The following NOL8 variants were observed in gnomAD, a reference collection of about 807,000 sequenced individuals.
NOL8 encodes the protein nucleolar protein Nop132.
A neutral mutation model predicts 116.1 loss-of-function variants in NOL8; 93 were observed. The ratio of observed to expected loss-of-function variants is 0.80; its 90% CI spans 0.68 to 0.95. NOL8 has a LOEUF of 0.95. Among genes scored for constraint, NOL8 ranks in the 40% least tolerant of loss-of-function variants. The pLI is 0.00. For missense variants in NOL8, 1,291 were observed against 1,382.8 expected (o/e 0.93, Z 1.05); for synonymous variants, 419 against 469.0 (o/e 0.89, Z 1.38).
chr9:92,321,149 A>C (rs74648823), intron 4 of NOL8, among the ~76,000 whole-genome samples: 66 of 152,338 alleles, frequency 4.3e-4, no homozygotes, highest in African/African-American at 1.5e-3. Context: ...GTAGTCTACT[A>C]AAATTTAAAT....
rs779403688 is a variant in NOL8 at position 92,321,651 on chromosome 9, T to C, written c.281+17A>G. On this transcript the variant is annotated intron_variant, in intron 4 of 16. Coordinates refer to ENST00000442668, the MANE Select transcript of NOL8 (RefSeq NM_017948.6). Reference sequence around the variant, plus strand: ...ATAAAAAAAATAGGGCTTAAATCCATGTGGAGCAAAACTTACCTGTGCAGA... The same window carrying C: ...ATAAAAAAAATAGGGCTTAAATCCACGTGGAGCAAAACTTACCTGTGCAGA... 9.5e-6 allele frequency: 14 copies of C among 1,472,086 alleles called. No homozygotes were observed. In the South Asian group the frequency reaches 1.7e-4, roughly 18 times the overall value. The allele number at this position is 1,472,086 out of a possible 1,614,324, so 91.2% of individuals were successfully genotyped here.
At chr9:92,307,067 G>T (rs764961253) in intron 10 of NOL8, 43 bp from the exon 11 acceptor site, 2 of 1,569,576 alleles carry the variant, frequency 1.3e-6, no homozygotes, top group African/African-American at 2.7e-5. Flanking sequence ...GGAAAACACA[G>T]CCTGAGAAGT....
chr9:92,309,898 ACTT>A (rs1169878561), intron 10 of NOL8, among the ~76,000 whole-genome samples: 7 of 152,226 alleles, frequency 4.6e-5, no homozygotes, highest in African/African-American at 9.6e-5. Flanking sequence ...AGGAAACTCA[ACTT>A]CTTCTCATGC....
chr9:92,324,608 C>T (rs1309001539), intron 1 of NOL8: 1 of 152,832 alleles, frequency 6.5e-6, no homozygotes, highest in African/African-American at 2.4e-5. Context: ...AGCTAGCCTA[C>T]CTCTTCCTAA....
chr9:92,324,658 T>G (rs1325024094), intron 1 of NOL8: 2 of 152,136 alleles, frequency 1.3e-5, no homozygotes, highest in East Asian at 1.9e-4. Context: ...GCCTTCTTCC[T>G]CCTAGAAGAC....
intron 7 of NOL8, 71 bp from the exon 8 acceptor site, chr9:92,311,330 A>G (rs1838771328): frequency 1.8e-6 from 2 of 1,094,416 alleles, no homozygotes; most frequent in Non-Finnish European, 2.7e-6. Flanking sequence ...AATTGCAACA[A>G]AATCCAAAAT....
intron 3 of NOL8, among the ~76,000 whole-genome samples, chr9:92,322,135 A>G (rs547776498): frequency 6.6e-6 from 1 of 152,322 alleles, no homozygotes; most frequent in Admixed American, 6.5e-5. Flanking sequence ...TAAAACAATC[A>G]TCTTTTCAGG....
chr9:92,309,251 A>G (rs1056484136), intron 10 of NOL8, among the ~76,000 whole-genome samples: 1 of 152,226 alleles, frequency 6.6e-6, no homozygotes, highest in African/African-American at 2.4e-5. Context: ...TTCAGTAAAA[A>G]GCCAACTGCT....
chr9:92,303,237 C>T (rs535224905), intron 12 of NOL8, among the ~76,000 whole-genome samples: 1 of 152,212 alleles, frequency 6.6e-6, no homozygotes, highest in East Asian at 1.9e-4. Flanking sequence ...AAGATCAACT[C>T]TATGACAGCC....
chr9:92,309,634 T>A lies in NOL8; in HGVS notation c.2686+537A>T, dbSNP rs190550437. ...AGGTCCTGTAGAAAAAGATTGGAAGTACTGCTGTGAAAAATGCTATAGTAA... is the reference window on the plus strand; with the variant it reads ...AGGTCCTGTAGAAAAAGATTGGAAGAACTGCTGTGAAAAATGCTATAGTAA... On this transcript the variant is annotated intron_variant, in intron 10 of 16. Transcript: ENST00000442668. Among the ~76,000 whole-genome samples the A allele has an allele frequency of 6.0e-3, 915 of 152,230 alleles. 10 individuals are homozygous for A. Among genetic ancestry groups the A allele is most frequent in the Non-Finnish European group, 0.011 (763 of 68,008 alleles).
chr9:92,317,439 T>A (rs1331614905), intron 6 of NOL8, among the ~76,000 whole-genome samples: 12 of 152,206 alleles, frequency 7.9e-5, no homozygotes. Flanking sequence ...AGTACTTTCC[T>A]GACTTTGAGC....
chr9:92,304,055 C>T (rs1838002080), intron 12 of NOL8, among the ~76,000 whole-genome samples: 2 of 152,088 alleles, frequency 1.3e-5, no homozygotes, highest in African/African-American at 4.8e-5. Flanking sequence ...CTGGTAGGTA[C>T]AGGAACATTT....
Position 92,314,449 on chromosome 9 carries a change from C to A in NOL8, c.2176G>T (p.Val726Phe), listed in dbSNP as rs1287515523. The A allele has an allele frequency of 1.2e-6, 2 of 1,612,672 alleles. No homozygotes were observed. Among genetic ancestry groups the A allele is most frequent in the Admixed American group, 1.7e-5 (1 of 59,940 alleles). ...ATTTCCCGAGTGTCCTTGGATGAGACCTTTGGTGATTTCTTGAGAGATGTG... is the reference window on the plus strand; with the variant it reads ...ATTTCCCGAGTGTCCTTGGATGAGAACTTTGGTGATTTCTTGAGAGATGTG... ...GLTSLKKSPKVSSKDTREIKT... is the reference protein window; with the variant it reads ...GLTSLKKSPKFSSKDTREIKT... Residue 726 changes from valine (V) to phenylalanine (F), a missense_variant, in exon 7 of 17, where the codon GTC becomes TTC. Val to Phe is a conservative substitution (Grantham distance 50). Transcript: ENST00000442668.
rs921122 is a variant in NOL8 at position 92,301,665 on chromosome 9, C to T, written c.3061G>A (p.Gly1021Ser). Residue 1021 changes from glycine to serine, a missense_variant, in exon 13 of 17, where the codon GGT becomes AGT. Gly to Ser is a moderately conservative substitution (Grantham distance 56, BLOSUM62 0). Transcript: ENST00000442668. ...TGGATTTCCTCAGGTTTCTCTTTACCACAGTCCTCATTCCAGGGTGTGCCC... is the reference window on the plus strand; with the variant it reads ...TGGATTTCCTCAGGTTTCTCTTTACTACAGTCCTCATTCCAGGGTGTGCCC... ...EEGTPWNEDCGKEKPEEIQDP... is the reference protein window; with the variant it reads ...EEGTPWNEDCSKEKPEEIQDP... 0.04 allele frequency: 63,962 copies of T among 1,604,202 alleles called. 1,539 individuals carry two copies. The highest frequency in any genetic ancestry group is 0.073 in the South Asian group (6,458 of 88,808).
At chr9:92,317,084 C>G (rs996926386) in intron 6 of NOL8, among the ~76,000 whole-genome samples, 1 of 152,128 alleles carries the variant, frequency 6.6e-6, no homozygotes, top group Non-Finnish European at 1.5e-5. Context: ...TCCCCAGTGG[C>G]AGGGACCACA....
intron 15 of NOL8, 46 bp from the exon 16 acceptor site, chr9:92,298,382 A>G: frequency 2.5e-6 from 3 of 1,219,790 alleles, no homozygotes; most frequent in Non-Finnish European, 2.4e-6. Flanking sequence ...ACTACTACTA[A>G]AATTGGTAAT....
intron 1 of NOL8, 116 bp from the exon 2 acceptor site, chr9:92,324,325 G>GT (rs1296894515): frequency 2.8e-5 from 23 of 829,590 alleles, no homozygotes; most frequent in Non-Finnish European, 4.2e-5. Context: ...ACTTCCTATT[G>GT]TATTACTTCC....
chr9:92,314,122 G>C (rs1839121799), intron 7 of NOL8, 145 bp downstream of exon 7: 1 of 1,257,646 alleles, frequency 8.0e-7, no homozygotes, highest in Admixed American at 3.4e-5. Context: ...AGATAAACCA[G>C]ATGAAAAAGC....
chr9:92,320,060 T>G, intron 4 of NOL8: 1 of 456,120 alleles, frequency 2.2e-6, no homozygotes, highest in Middle Eastern at 3.3e-4. Flanking sequence ...TTATATTATC[T>G]TCTCTCCATT....
Sources: allele counts gnomAD v4.1 joint callset (sites outside exome capture counted in the v4.1 genomes callset), GRCh38; gene constraint gnomAD v4.1.1; transcripts MANE v1.5; gene names NCBI Gene and HGNC (gene_info 2026-07-23, HGNC 2026-07-21).